The following HTR2C variants were observed in gnomAD, a reference collection of about 807,000 sequenced individuals.
HTR2C encodes the protein 5-hydroxytryptamine (serotonin) receptor 2C, G protein-coupled.
HTR2C carries 5 observed loss-of-function variants against 21.0 expected under a neutral mutation model. The ratio of observed to expected loss-of-function variants is 0.24; its 90% confidence interval spans 0.12 to 0.50. The LOEUF (loss-of-function observed/expected upper bound fraction) is 0.50, where lower values mean the gene tolerates loss of function less well. HTR2C is among the 20% of genes least tolerant of loss of function. HTR2C has a pLI of 0.98. For missense variants in HTR2C, 271 were observed against 371.2 expected, an observed-to-expected ratio of 0.73 and a Z score of 2.22; for synonymous variants, 150 against 145.3, an observed-to-expected ratio of 1.03 and a Z score of -0.23.
chrX:114,801,491 T>G (rs2070345963), intron 4 of HTR2C, among the ~76,000 whole-genome samples: 1 of 111,197 alleles, frequency 9.0e-6, no homozygotes, highest in Admixed American at 9.7e-5. Flanking sequence ...TTTAATTTTG[T>G]GAGTTAGATC....
intron 2 of HTR2C, among the ~76,000 whole-genome samples, chrX:114,719,604 C>T (rs1933118528): frequency 9.0e-6 from 1 of 111,495 alleles, no homozygotes; most frequent in Admixed American, 9.6e-5. Context: ...CATGAGGAGA[C>T]ATGATTTTGC....
intron 1 of HTR2C, among the ~76,000 whole-genome samples, chrX:114,609,852 T>C (rs1928646189): frequency 8.9e-6 from 1 of 111,766 alleles, no homozygotes; most frequent in Non-Finnish European, 1.9e-5. Context: ...AAAAATAATC[T>C]ACAGTGATAG....
intron 5 of HTR2C, among the ~76,000 whole-genome samples, chrX:114,866,130 T>A (rs889552796): frequency 1.1e-4 from 12 of 111,830 alleles, no homozygotes; most frequent in African/African-American, 2.6e-4. Context: ...GTGCGTTTTT[T>A]AAAATATTTT....
intron 5 of HTR2C, among the ~76,000 whole-genome samples, chrX:114,896,435 G>A (rs2071297735): frequency 8.9e-6 from 1 of 112,040 alleles, no homozygotes; most frequent in South Asian, 3.7e-4. Flanking sequence ...CAGTTACTGA[G>A]AAAGGAATGT....
At chrX:114,759,473 A>G (rs1260935446) in intron 4 of HTR2C, among the ~76,000 whole-genome samples, 4 of 112,074 alleles carry the variant, frequency 3.6e-5, no homozygotes, top group Non-Finnish European at 7.5e-5. Context: ...ACGAGTATAT[A>G]TAAATATTAA....
intron 2 of HTR2C, among the ~76,000 whole-genome samples, chrX:114,692,781 A>G (rs1408444816): frequency 8.9e-6 from 1 of 112,010 alleles, no homozygotes; most frequent in African/African-American, 3.2e-5. Context: ...ATGAATTAAC[A>G]TACCAAACGT....
intron 4 of HTR2C, among the ~76,000 whole-genome samples, chrX:114,785,312 GA>G (rs781851023): frequency 1.4e-4 from 15 of 110,893 alleles, no homozygotes; most frequent in African/African-American, 4.6e-4. Flanking sequence ...ATATTAGTGA[GA>G]AAAAAATACA....
intron 4 of HTR2C, among the ~76,000 whole-genome samples, chrX:114,802,686 C>CT (rs2070358419): frequency 1.6e-5 from 1 of 64,514 alleles, no homozygotes; most frequent in African/African-American, 6.9e-5. Flanking sequence ...TGCTTAGATT[C>CT]TTTCTTTCTT....
chrX:114,848,870 C>T (rs1416839382), intron 5 of HTR2C, among the ~76,000 whole-genome samples: 1 of 111,343 alleles, frequency 9.0e-6, no homozygotes, highest in Admixed American at 9.6e-5. Flanking sequence ...CTTAACAGTG[C>T]TAATATTAAA....
At chrX:114,720,521 T>TC (rs1361686559) in intron 2 of HTR2C, among the ~76,000 whole-genome samples, 1 of 106,279 alleles carries the variant, frequency 9.4e-6, no homozygotes, top group Admixed American at 1.0e-4. Context: ...TTTTTCTTTT[T>TC]TTTTTTAATT....
chrX:114,636,003 T>G (rs1929827689), intron 2 of HTR2C, among the ~76,000 whole-genome samples: 1 of 110,745 alleles, frequency 9.0e-6, no homozygotes, highest in African/African-American at 3.3e-5. Flanking sequence ...TGAATATAGC[T>G]GTTATGTTAA....
Position 114,890,833 on chromosome X carries a change from T to C in HTR2C, c.551-15756T>C, listed in dbSNP as rs138272847. 2.7e-3 allele frequency among the ~76,000 whole-genome samples: 304 copies of C among 112,107 alleles called. 1 individual carries two copies. The highest frequency in any genetic ancestry group is 4.6e-3 in the Non-Finnish European group (244 of 53,153). On this transcript the variant is annotated intron_variant, in intron 5 of 5. Coordinates refer to ENST00000276198, the MANE Select transcript of HTR2C (RefSeq NM_000868.4). ...TAGGTGTGATTTCTCCTGTTTATTC[T>C]ATTTGGAATTCATTCATCTTTATGA...
chrX:114,677,210 C>G (rs1556412892), intron 2 of HTR2C, among the ~76,000 whole-genome samples: 1 of 111,071 alleles, frequency 9.0e-6, no homozygotes, highest in African/African-American at 3.3e-5. Context: ...TGATTGACAA[C>G]ATGATTTTAT....
intron 4 of HTR2C, among the ~76,000 whole-genome samples, chrX:114,844,220 A>G (rs2070856926): frequency 8.9e-6 from 1 of 111,870 alleles, no homozygotes; most frequent in Non-Finnish European, 1.9e-5. Flanking sequence ...GTAATTTATG[A>G]CCAATAGCAA....
At chrX:114,665,376 T>G (rs1259279750) in intron 2 of HTR2C, among the ~76,000 whole-genome samples, 1 of 112,103 alleles carries the variant, frequency 8.9e-6, no homozygotes. Flanking sequence ...TCCAAAACAA[T>G]GGACTGGCAT....
chrX:114,611,932 C>T (rs781884664), intron 1 of HTR2C, among the ~76,000 whole-genome samples: 35 of 111,074 alleles, frequency 3.2e-4, no homozygotes, highest in Non-Finnish European at 4.7e-4. Flanking sequence ...CTCCTGACCT[C>T]GTGATCCTCC....
At chrX:114,606,979 CG>C (rs1928478442) in intron 1 of HTR2C, among the ~76,000 whole-genome samples, 1 of 106,498 alleles carries the variant, frequency 9.4e-6, no homozygotes, top group Non-Finnish European at 1.9e-5. Context: ...TGTTCTCTGG[CG>C]GGCAGGAGTG....
intron 2 of HTR2C, among the ~76,000 whole-genome samples, chrX:114,644,936 A>C (rs7883596): frequency 3.3e-3 from 365 of 110,972 alleles, no homozygotes; most frequent in African/African-American, 0.011. Flanking sequence ...TCAACAGAGA[A>C]TGAGGGCTCA....
chrX:114,595,789 G>T (rs1440916837), intron 1 of HTR2C, among the ~76,000 whole-genome samples: 2 of 88,085 alleles, frequency 2.3e-5, no homozygotes, highest in Non-Finnish European at 4.5e-5. Context: ...TGACTAATGA[G>T]CAATATGACA....
Sources: allele counts gnomAD v4.1 joint callset (sites outside exome capture counted in the v4.1 genomes callset), GRCh38; gene constraint gnomAD v4.1.1; transcripts MANE v1.5; gene names NCBI Gene and HGNC (gene_info 2026-07-23, HGNC 2026-07-21).